The following PCDHGA1 variants were observed in gnomAD, a reference collection of about 807,000 sequenced individuals.
PCDHGA1 encodes the protein protocadherin gamma-A1.
Under a neutral mutation model 58.0 loss-of-function variants are expected in PCDHGA1, and 32 were observed. The ratio of observed to expected loss-of-function variants is 0.55; its 90% CI spans 0.42 to 0.74. PCDHGA1 has a LOEUF of 0.74. PCDHGA1 is among the 30% of genes least tolerant of loss of function. The pLI is 0.00. For missense variants in PCDHGA1, 1,205 were observed against 1,182.3 expected (o/e 1.02, Z -0.28); for synonymous variants, 498 against 501.1 (o/e 0.99, Z 0.08).
intron 1 of PCDHGA1, chr5:141,383,690 T>C: frequency 1.9e-6 from 3 of 1,614,010 alleles, no homozygotes; most frequent in Non-Finnish European, 2.5e-6. Flanking sequence ...CTGCTCACGG[T>C]ACATGCTATC....
intron 1 of PCDHGA1, chr5:141,374,693 G>A (rs1222347266): frequency 6.2e-7 from 1 of 1,609,316 alleles, no homozygotes; most frequent in Non-Finnish European, 8.5e-7. Flanking sequence ...GGACCGGGAA[G>A]GAGAAGCCGT....
At chr5:141,411,097 A>C (rs2095464397) in intron 1 of PCDHGA1, 1 of 153,002 alleles carries the variant, frequency 6.5e-6, no homozygotes, top group Non-Finnish European at 1.4e-5. Flanking sequence ...TGATCCTCCC[A>C]CCTTGGCCTC....
intron 1 of PCDHGA1, chr5:141,433,338 T>G (rs2097583623): frequency 3.1e-6 from 2 of 651,932 alleles, no homozygotes; most frequent in South Asian, 4.0e-5. Context: ...GGACTACAGG[T>G]GCAAGCCACC....
At chr5:141,433,215 T>A (rs755571112) in intron 1 of PCDHGA1, 1 of 1,568,720 alleles carries the variant, frequency 6.4e-7, no homozygotes, top group South Asian at 1.2e-5. Flanking sequence ...TTTCTTTTTT[T>A]TTTTTAATTG....
At chr5:141,392,744 CG>C (rs2092583694) in intron 1 of PCDHGA1, 1 of 1,439,038 alleles carries the variant, frequency 6.9e-7, no homozygotes, top group East Asian at 2.5e-5. Context: ...TCCATAGCTG[CG>C]GCAAGAAACT....
chr5:141,388,631 G>T, intron 1 of PCDHGA1: 2 of 1,613,960 alleles, frequency 1.2e-6, no homozygotes, highest in Non-Finnish European at 1.7e-6. Context: ...TATACAGGGT[G>T]AGCCTTTCAG....
At chr5:141,418,328 G>A (rs1298044571) in intron 1 of PCDHGA1, 1 of 1,614,002 alleles carries the variant, frequency 6.2e-7, no homozygotes, top group Non-Finnish European at 8.5e-7. Flanking sequence ...TCTTGAGTCT[G>A]CAGAAGATCC....
At position 141,432,001 on chromosome 5, in the gene PCDHGA1, G is replaced by T. The variant is rs755338230; in HGVS notation, c.2422-62806G>T. On this transcript the variant is annotated intron_variant, in intron 1 of 3. Coordinates refer to ENST00000517417, the MANE Select transcript of PCDHGA1 (RefSeq NM_018912.3). This position sits in a 1 kb window ranked among gnomAD's most constrained non-coding sequence, Gnocchi z 6.0. Reference sequence around the variant, plus strand: ...CAGACATAGTCTTGGATAGGGAACAGGTTCCTAGCTACAACATCACAGTGA... The same window carrying T: ...CAGACATAGTCTTGGATAGGGAACATGTTCCTAGCTACAACATCACAGTGA... 4 of 1,614,220 alleles carry T rather than the reference G, an allele frequency of 2.5e-6. No homozygotes were observed. In the East Asian group the frequency reaches 8.9e-5, roughly 36 times the overall value.
At position 141,493,202 on chromosome 5, in the gene PCDHGA1, A is replaced by G. The variant is rs1246390819; in HGVS notation, c.2422-1605A>G. Among the ~76,000 whole-genome samples, 1 of 152,196 alleles carries G rather than the reference A, an allele frequency of 6.6e-6. No individual in the cohort carries two copies. ...ACTATATAACTCCTTTGAGAACCTC[A>G]TCTCATTTGCTCTTCCCACCATTGC... On this transcript the variant is annotated intron_variant, in intron 1 of 3. Transcript: ENST00000517417. The surrounding 1 kb of genome is among the most constrained non-coding windows in gnomAD (Gnocchi z 4.3).
chr5:141,379,766 C>G (rs1325223169), intron 1 of PCDHGA1: 1 of 151,638 alleles, frequency 6.6e-6, no homozygotes, highest in Admixed American at 6.6e-5. Context: ...ACCTGCAATA[C>G]AGATCATTAA....
In PCDHGA1 at chr5:141,489,327, G is replaced by A; in HGVS notation, c.2422-5480G>A. The A allele has an allele frequency of 6.2e-7, 1 of 1,603,940 alleles. No individual in the cohort carries two copies. Among genetic ancestry groups the A allele is most frequent in the South Asian group, 1.1e-5 (1 of 89,400 alleles). ...TGTGCTGCTGGGGCTGGGTGTCTGG[G>A]CAGCTTCGTTACTCAGTGGTGGAGG... is the stretch of plus-strand genomic sequence containing the variant. On this transcript the variant is annotated intron_variant, in intron 1 of 3. Transcript: ENST00000517417. This position sits in a 1 kb window ranked among gnomAD's most constrained non-coding sequence, Gnocchi z 4.5.
intron 1 of PCDHGA1, chr5:141,356,712 T>C: frequency 1.9e-6 from 3 of 1,614,032 alleles, no homozygotes; most frequent in Non-Finnish European, 1.7e-6. Context: ...TGTCCTCCTA[T>C]GTCTCCATCA....
intron 1 of PCDHGA1, chr5:141,351,348 C>T (rs200422536): frequency 1.2e-6 from 2 of 1,613,314 alleles, no homozygotes; most frequent in East Asian, 2.2e-5. Context: ...ACTGTAATAG[C>T]CCTCATAAAA....
At chr5:141,387,156 A>C (rs1173690148) in intron 1 of PCDHGA1, among the ~76,000 whole-genome samples, 1 of 152,232 alleles carries the variant, frequency 6.6e-6, no homozygotes, top group Non-Finnish European at 1.5e-5. Flanking sequence ...GTGTATTTGA[A>C]GATAAGTATA....
chr5:141,469,553 G>A (rs989713451), intron 1 of PCDHGA1, among the ~76,000 whole-genome samples: 2 of 152,086 alleles, frequency 1.3e-5, no homozygotes, highest in African/African-American at 2.4e-5. Flanking sequence ...CCAGCCTGGC[G>A]ACAGAGTGAG....
intron 1 of PCDHGA1, among the ~76,000 whole-genome samples, chr5:141,368,789 T>C (rs1765858310): frequency 6.6e-6 from 1 of 152,196 alleles, no homozygotes; most frequent in East Asian, 1.9e-4. Context: ...TGAAGAATAA[T>C]TTTTCATACT....
chr5:141,339,128 G>T, intron 1 of PCDHGA1: 1 of 1,614,250 alleles, frequency 6.2e-7, no homozygotes, highest in Middle Eastern at 1.6e-4. Flanking sequence ...CAAGGACTTG[G>T]GTTTGGAGCC....
At chr5:141,430,909 G>A (rs1054175762) in intron 1 of PCDHGA1, 2 of 1,607,160 alleles carry the variant, frequency 1.2e-6, no homozygotes, top group Non-Finnish European at 1.7e-6. Context: ...ACATCTCCAG[G>A]GACCTGGGGC....
intron 1 of PCDHGA1, among the ~76,000 whole-genome samples, chr5:141,472,136 A>T (rs1172420221): frequency 1.1e-4 from 17 of 152,262 alleles, no homozygotes; most frequent in Non-Finnish European, 2.5e-4. Flanking sequence ...AGTTAAAAAT[A>T]AAAGTTTCAT....
Sources: allele counts gnomAD v4.1 joint callset (sites outside exome capture counted in the v4.1 genomes callset), GRCh38; gene constraint gnomAD v4.1.1; non-coding constraint Gnocchi (gnomAD v3.1); transcripts MANE v1.5; gene names NCBI Gene and HGNC (gene_info 2026-07-23, HGNC 2026-07-21).